OXR1: variants seen among roughly 807,000 people sequenced by gnomAD.
OXR1 encodes the protein oxidation resistance protein 1.
A neutral mutation model predicts 104.6 loss-of-function variants in OXR1; 41 were observed. That is an observed-to-expected ratio of 0.39 (90% CI 0.31 to 0.51). OXR1 has a LOEUF of 0.51. OXR1 is among the 20% of genes least tolerant of loss of function. The pLI is 0.77. For synonymous variants in OXR1, 348 were observed against 348.4 expected (o/e 1.00, Z 0.01); for missense variants, 955 against 1,031.9 (o/e 0.93, Z 1.02).
chr8:106,592,174 AACT>A (rs1267770081), intron 3 of OXR1, among the ~76,000 whole-genome samples: 3 of 152,310 alleles, frequency 2.0e-5, no homozygotes, highest in African/African-American at 7.2e-5. Flanking sequence ...AAAGTCAACA[AACT>A]ACTGTGTGCC....
At chr8:106,448,179 CCAAA>C in intron 2 of OXR1, 3 of 1,113,638 alleles carry the variant, frequency 2.7e-6, no homozygotes, top group Non-Finnish European at 3.9e-6. Context: ...GTTTATGGGA[CCAAA>C]CAGATGGATT....
chr8:106,331,449 G>A (rs79418828), intron 1 of OXR1, among the ~76,000 whole-genome samples: 6,177 of 151,974 alleles, frequency 0.041, 413 homozygotes, highest in African/African-American at 0.14. Flanking sequence ...CATTGCAATT[G>A]CACTTAGAGA....
At chr8:106,594,778 C>A (rs1819385965) in intron 3 of OXR1, among the ~76,000 whole-genome samples, 2 of 152,166 alleles carry the variant, frequency 1.3e-5, no homozygotes, top group Middle Eastern at 3.2e-3. Context: ...GCAGAGTGGG[C>A]ACAAATGAAC....
At chr8:106,693,335 A>G (rs917278222) in intron 7 of OXR1, among the ~76,000 whole-genome samples, 1 of 151,988 alleles carries the variant, frequency 6.6e-6, no homozygotes, top group Non-Finnish European at 1.5e-5. Context: ...TCTTTTCCAC[A>G]GGGAAAAACA....
At chr8:106,512,729 G>A (rs555056107) in intron 2 of OXR1, among the ~76,000 whole-genome samples, 8 of 152,214 alleles carry the variant, frequency 5.3e-5, no homozygotes, top group East Asian at 1.9e-4. Context: ...TGGTTATGAC[G>A]TGAGGGGATG....
At chr8:106,691,477 C>A (rs10092665) in intron 6 of OXR1, among the ~76,000 whole-genome samples, 18,389 of 151,622 alleles carry the variant, frequency 0.12, 1,400 homozygotes, top group East Asian at 0.33. Flanking sequence ...ATCTCATATT[C>A]TTTTTAAAAG....
At chr8:106,644,141 T>C in intron 3 of OXR1, among the ~76,000 whole-genome samples, 1 of 152,202 alleles carries the variant, frequency 6.6e-6, no homozygotes. Flanking sequence ...AGATTCTTTT[T>C]AGCTTCAGCA....
chr8:106,705,432 C>G (rs1831050027), intron 8 of OXR1, among the ~76,000 whole-genome samples: 1 of 152,110 alleles, frequency 6.6e-6, no homozygotes, highest in South Asian at 2.1e-4. Context: ...AAAAGCGGAA[C>G]AAGACAAAGA....
intron 1 of OXR1, among the ~76,000 whole-genome samples, chr8:106,281,672 C>T (rs1032697718): frequency 5.3e-5 from 8 of 151,940 alleles, no homozygotes; most frequent in East Asian, 1.9e-4. Context: ...CACTGGCGCA[C>T]GCCTGTAGTC....
At chr8:106,727,722 T>C (rs1833488277) in intron 11 of OXR1, among the ~76,000 whole-genome samples, 1 of 152,176 alleles carries the variant, frequency 6.6e-6, no homozygotes, top group Non-Finnish European at 1.5e-5. Flanking sequence ...CCCAGCCAAG[T>C]TCTGTTCATT....
intron 3 of OXR1, among the ~76,000 whole-genome samples, chr8:106,539,529 C>T (rs1022491114): frequency 2.0e-5 from 3 of 151,604 alleles, no homozygotes; most frequent in Non-Finnish European, 4.4e-5. Context: ...AAATTAAGCT[C>T]GGTAAACATA....
At chr8:106,707,605 G>A (rs180760170) in intron 9 of OXR1, 7 of 185,632 alleles carry the variant, frequency 3.8e-5, no homozygotes, top group African/African-American at 4.7e-5. Context: ...ATTCTTCCAC[G>A]TATCGAGAAG....
chr8:106,284,571 T>C (rs189473472), intron 1 of OXR1, among the ~76,000 whole-genome samples: 3 of 152,264 alleles, frequency 2.0e-5, no homozygotes, highest in East Asian at 1.9e-4. Context: ...TTTTAAAAAG[T>C]CTTCTATTTA....
At chr8:106,417,986 A>T (rs534275875) in intron 2 of OXR1, among the ~76,000 whole-genome samples, 17 of 152,148 alleles carry the variant, frequency 1.1e-4, no homozygotes, top group Admixed American at 7.9e-4. Flanking sequence ...CTTTGTGGAG[A>T]GGGCTTGAAG....
intron 3 of OXR1, among the ~76,000 whole-genome samples, chr8:106,678,872 A>G (rs1827861356): frequency 6.6e-6 from 1 of 152,070 alleles, no homozygotes; most frequent in Admixed American, 6.6e-5. Flanking sequence ...TTAAAAATAT[A>G]TAATGTATCT....
intron 6 of OXR1, among the ~76,000 whole-genome samples, chr8:106,687,007 T>C (rs1401161806): frequency 6.6e-6 from 1 of 152,202 alleles, no homozygotes; most frequent in African/African-American, 2.4e-5. Context: ...ATCTCAAATT[T>C]ATGAGGTAGG....
intron 8 of OXR1, among the ~76,000 whole-genome samples, chr8:106,704,393 C>CTTTTTTTTTTTTTTTTTTTTTTTTT (rs71307084): frequency 6.1e-4 from 29 of 47,886 alleles, no homozygotes; most frequent in African/African-American, 7.0e-4. Flanking sequence ...CTTTCTTCTT[C>CTTTTTTTTTTTTTTTTTTTTTTTTT]TTTTTTTTTT....
intron 2 of OXR1, among the ~76,000 whole-genome samples, chr8:106,511,178 G>C (rs1812500654): frequency 6.6e-6 from 1 of 152,036 alleles, no homozygotes; most frequent in South Asian, 2.1e-4. Flanking sequence ...TGATTTTATG[G>C]TTTGTTTTTA....
chr8:106,740,563 A>G, intron 14 of OXR1, 68 bp downstream of exon 14: 2 of 1,300,676 alleles, frequency 1.5e-6, no homozygotes, highest in Non-Finnish European at 2.2e-6. Context: ...TAGCATATTT[A>G]TTTGATAAAC....
Sources: gnomAD v4.1 joint callset for allele counts (sites outside exome capture counted in the v4.1 genomes callset) on GRCh38, gnomAD v4.1.1 for gene constraint, MANE v1.5 for transcripts, NCBI Gene and HGNC (gene_info 2026-07-23, HGNC 2026-07-21) for gene names.